Variants in PRKCA observed in about 807,000 individuals in gnomAD.
PRKCA encodes the protein protein kinase C alpha type.
PRKCA carries 27 observed loss-of-function variants against 87.0 expected under a neutral mutation model. The ratio of observed to expected loss-of-function variants is 0.31; its 90% confidence interval spans 0.23 to 0.43. The LOEUF (loss-of-function observed/expected upper bound fraction) is 0.43, where lower values mean the gene tolerates loss of function less well. Among genes scored for constraint, PRKCA ranks in the 20% least tolerant of loss-of-function variants. The pLI is 1.00. For missense variants in PRKCA, 518 were observed against 852.3 expected (o/e 0.61, Z 4.88); for synonymous variants, 329 against 311.1 (o/e 1.06, Z -0.61).
At chr17:66,388,493 C>T (rs1410426164) in intron 2 of PRKCA, among the ~76,000 whole-genome samples, 1 of 152,034 alleles carries the variant, frequency 6.6e-6, no homozygotes, top group Admixed American at 6.6e-5. Context: ...GGGATTTCAC[C>T]ATGTTGATTA....
At chr17:66,750,472 A>T (rs1568012347) in intron 13 of PRKCA, among the ~76,000 whole-genome samples, 1 of 152,142 alleles carries the variant, frequency 6.6e-6, no homozygotes, top group Admixed American at 6.6e-5. Context: ...TCTAGGAATT[A>T]TGTTGGTTTT....
Position 66,508,604 on chromosome 17 carries a change from A to AC in PRKCA, c.288+12322dup, listed in dbSNP as rs528315492. Among the ~76,000 whole-genome samples, 33 of 152,324 alleles carry AC rather than the reference A, an allele frequency of 2.2e-4. No individual in the cohort carries two copies. The East Asian group carries it at 6.2e-3, about 28-fold the overall frequency. On this transcript the variant is annotated intron_variant, in intron 3 of 16. Transcript: ENST00000413366. ...GGTGTAACACCCAGCTGTCCTCTGC[A>AC]CACAGGATCCCAAGCCAGAAGTCTC... is the stretch of plus-strand genomic sequence containing the variant.
chr17:66,565,645 T>G (rs1008746956), intron 3 of PRKCA, among the ~76,000 whole-genome samples: 3 of 152,150 alleles, frequency 2.0e-5, no homozygotes, highest in Non-Finnish European at 2.9e-5. Context: ...CGGTGTTTCT[T>G]CCAACATCTA....
At chr17:66,722,187 T>C (rs1469382028) in intron 8 of PRKCA, among the ~76,000 whole-genome samples, 1 of 152,242 alleles carries the variant, frequency 6.6e-6, no homozygotes, top group African/African-American at 2.4e-5. Flanking sequence ...GTATATTCAT[T>C]ATATAAAATT....
In PRKCA at chr17:66,742,676, T is replaced by C. The variant is rs762176858; in HGVS notation, c.1440T>C (p.Ala480=). ...ATTCAGAAGGACATATCAAAATTGC[T>C]GACTTTGGGATGTGCAAGGAACACA... ...MLDSEGHIKI[A]DFGMCKEHMM... The change falls in exon 13 of 17, where the codon GCT becomes GCC. Residue 480 remains alanine, a synonymous_variant. Transcript: ENST00000413366. The C allele has an allele frequency of 6.2e-7, 1 of 1,614,052 alleles. No individual in the cohort carries two copies. The highest frequency in any genetic ancestry group is 8.5e-7 in the Non-Finnish European group (1 of 1,180,010).
intron 3 of PRKCA, among the ~76,000 whole-genome samples, chr17:66,500,403 T>C (rs1916674378): frequency 6.6e-6 from 1 of 152,238 alleles, no homozygotes; most frequent in Admixed American, 6.5e-5. Flanking sequence ...TGGAAAATCA[T>C]GAAGGCATTG....
intron 2 of PRKCA, 34 bp downstream of exon 2, chr17:66,306,161 C>T: frequency 6.3e-7 from 1 of 1,592,652 alleles, no homozygotes; most frequent in Non-Finnish European, 8.6e-7. Context: ...TTTTCAAGCA[C>T]AACATGAAAT....
intron 2 of PRKCA, among the ~76,000 whole-genome samples, chr17:66,389,327 A>G (rs563059482): frequency 6.6e-6 from 1 of 152,290 alleles, no homozygotes; most frequent in Admixed American, 6.5e-5. Flanking sequence ...GGCAGGCTTG[A>G]GGACCTCTCC....
chr17:66,753,567 G>A (rs1399604071), intron 13 of PRKCA, among the ~76,000 whole-genome samples: 2 of 152,108 alleles, frequency 1.3e-5, no homozygotes, highest in Admixed American at 1.3e-4. Flanking sequence ...GTCCTTCCAG[G>A]TTCTTGGGAA....
intron 2 of PRKCA, among the ~76,000 whole-genome samples, chr17:66,324,789 T>C (rs549635368): frequency 1.3e-5 from 2 of 152,324 alleles, no homozygotes; most frequent in East Asian, 3.9e-4. Context: ...AGCAAACATA[T>C]GACATTCTTG....
In PRKCA at chr17:66,689,371, G is replaced by A. The variant is rs1384099284; in HGVS notation, c.918+324G>A. On this transcript the variant is annotated intron_variant, in intron 8 of 16. Coordinates refer to ENST00000413366, the MANE Select transcript of PRKCA (RefSeq NM_002737.3). The surrounding 1 kb of genome is among the most constrained non-coding windows in gnomAD (Gnocchi z 4.1). ...AGGGCAGGATTGTTCTTACAAAGGA[G>A]GACTTGTGCTCTTCTGAAAAGGAGG... 6.6e-6 allele frequency among the ~76,000 whole-genome samples: 1 copy of A among 152,156 alleles called. No individual in the cohort carries two copies. Among genetic ancestry groups the A allele is most frequent in the African/African-American group, 2.4e-5 (1 of 41,444 alleles).
chr17:66,440,661 A>G lies in PRKCA; in HGVS notation c.206-55540A>G, dbSNP rs1719689320. 2.6e-5 allele frequency among the ~76,000 whole-genome samples: 4 copies of G among 152,078 alleles called. 1 individual carries two copies. The highest frequency in any genetic ancestry group is 2.0e-4 in the Admixed American group (3 of 15,274). On this transcript the variant is annotated intron_variant, in intron 2 of 16. Coordinates refer to ENST00000413366, the MANE Select transcript of PRKCA (RefSeq NM_002737.3). The stretch of plus-strand genomic sequence containing the variant: ...ACTGGTGGTCAAGGGGGCTTTTTTG[A>G]GGCCTGGACAACCCACAGACCGAGG...
intron 3 of PRKCA, among the ~76,000 whole-genome samples, chr17:66,621,698 T>C (rs1313674050): frequency 4.6e-5 from 7 of 152,148 alleles, no homozygotes; most frequent in Non-Finnish European, 8.8e-5. Context: ...TTTGAAAATG[T>C]CACAGAAACC....
intron 14 of PRKCA, chr17:66,775,434 G>C (rs1975025095): frequency 2.0e-6 from 2 of 985,248 alleles, no homozygotes; most frequent in Non-Finnish European, 1.2e-6. Flanking sequence ...GGGACACAAA[G>C]AGGCAGGAAG....
intron 8 of PRKCA, among the ~76,000 whole-genome samples, chr17:66,701,526 T>C (rs558871675): frequency 4.6e-5 from 7 of 152,190 alleles, no homozygotes; most frequent in East Asian, 3.9e-4. Context: ...ACCTGTGGAA[T>C]AGGAGAAAAT....
chr17:66,725,450 C>T (rs996823077), intron 8 of PRKCA, among the ~76,000 whole-genome samples: 2 of 152,064 alleles, frequency 1.3e-5, no homozygotes, highest in Non-Finnish European at 2.9e-5. Context: ...AAGATACAAA[C>T]TTGAGTAAGA....
At chr17:66,709,501 G>A (rs533553927) in intron 8 of PRKCA, among the ~76,000 whole-genome samples, 20 of 151,462 alleles carry the variant, frequency 1.3e-4, no homozygotes, top group African/African-American at 4.9e-4. Flanking sequence ...TAGAGACAAG[G>A]TTTCACCATG....
intron 3 of PRKCA, among the ~76,000 whole-genome samples, chr17:66,532,918 G>A (rs1342757906): frequency 6.6e-6 from 1 of 152,176 alleles, no homozygotes; most frequent in Non-Finnish European, 1.5e-5. Flanking sequence ...CAGCATCCCG[G>A]GGAGTGGAAC....
At chr17:66,746,879 G>T (rs987686185) in intron 13 of PRKCA, among the ~76,000 whole-genome samples, 1 of 152,014 alleles carries the variant, frequency 6.6e-6, no homozygotes, top group African/African-American at 2.4e-5. Flanking sequence ...GTTATTCTGG[G>T]CGTGTGTGAT....
Sources: allele counts gnomAD v4.1 joint callset (sites outside exome capture counted in the v4.1 genomes callset), GRCh38; gene constraint gnomAD v4.1.1; non-coding constraint Gnocchi (gnomAD v3.1); transcripts MANE v1.5; gene names NCBI Gene and HGNC (gene_info 2026-07-23, HGNC 2026-07-21).